Variants in SLC7A2 observed in about 807,000 individuals in gnomAD.
SLC7A2 encodes the protein solute carrier family 7 member 2.
Under a neutral mutation model 58.9 loss-of-function variants are expected in SLC7A2, and 48 were observed. That is an observed-to-expected ratio of 0.82 (90% CI 0.65 to 1.04). The LOEUF is 1.04. Ranked by LOEUF, SLC7A2 falls within the 50% of genes least tolerant of loss-of-function variation. SLC7A2 has a pLI of 0.00. For synonymous variants in SLC7A2, 363 were observed against 314.5 expected (o/e 1.15, Z -1.63); for missense variants, 1,029 against 818.8 (o/e 1.26, Z -3.13).
chr8:17,547,023 C>T (rs559744452), intron 4 of SLC7A2, among the ~76,000 whole-genome samples: 1 of 151,892 alleles, frequency 6.6e-6, no homozygotes, highest in Admixed American at 6.6e-5. Context: ...GATAACTTTT[C>T]TACATGTACA....
chr8:17,512,191 G>A (rs1469044030), intron 2 of SLC7A2, among the ~76,000 whole-genome samples: 1 of 152,048 alleles, frequency 6.6e-6, no homozygotes, highest in African/African-American at 2.4e-5. Flanking sequence ...ATGTGGAGTA[G>A]AGTAACAAAA....
chr8:17,550,445 TG>T lies in SLC7A2; in HGVS notation c.832+12del. 1 of 1,611,862 alleles carries T rather than the reference TG, an allele frequency of 6.2e-7. No homozygotes were observed. The highest frequency in any genetic ancestry group is 8.5e-7 in the Non-Finnish European group (1 of 1,178,790). Reference sequence around the variant, plus strand: ...GCATTGCAACAACTGGTAAGAGCAGTGTCTTGGCTCAGTGTAGAAGGAGTGT... The same window carrying T: ...GCATTGCAACAACTGGTAAGAGCAGTTCTTGGCTCAGTGTAGAAGGAGTGT... On this transcript the variant is annotated intron_variant, in intron 6 of 12. Transcript: ENST00000494857.
intron 8 of SLC7A2, among the ~76,000 whole-genome samples, chr8:17,557,639 C>G (rs984362713): frequency 1.3e-5 from 2 of 152,114 alleles, no homozygotes; most frequent in African/African-American, 4.8e-5. Flanking sequence ...ACCAGCCTGA[C>G]CAACATGGTG....
intron 2 of SLC7A2, among the ~76,000 whole-genome samples, chr8:17,504,080 C>T (rs1463206860): frequency 6.6e-6 from 1 of 152,214 alleles, no homozygotes; most frequent in Non-Finnish European, 1.5e-5. Flanking sequence ...GATTTCAACT[C>T]AGAGGCCTGG....
At chr8:17,564,780 G>C (rs1311893152) in intron 12 of SLC7A2, among the ~76,000 whole-genome samples, 170 bp from the exon 13 acceptor site, 2 of 152,110 alleles carry the variant, frequency 1.3e-5, no homozygotes, top group African/African-American at 4.8e-5. Flanking sequence ...GTGTGGCCTG[G>C]TTCCTAACAA....
intron 2 of SLC7A2, among the ~76,000 whole-genome samples, chr8:17,510,092 C>T (rs73212759): frequency 0.072 from 10,876 of 151,942 alleles, 466 homozygotes; most frequent in East Asian, 0.13. Context: ...TGATAGCAGG[C>T]GACTGTAATC....
At chr8:17,555,345 A>G (rs1802648357) in intron 8 of SLC7A2, among the ~76,000 whole-genome samples, 1 of 152,124 alleles carries the variant, frequency 6.6e-6, no homozygotes, top group Admixed American at 6.6e-5. Context: ...CAAATGTACA[A>G]AGGGTTATAA....
At chr8:17,507,717 C>G (rs1409465333) in intron 2 of SLC7A2, among the ~76,000 whole-genome samples, 2 of 151,954 alleles carry the variant, frequency 1.3e-5, no homozygotes, top group African/African-American at 4.8e-5. Flanking sequence ...ATTTTAAAAA[C>G]TCTGTTAATT....
At chr8:17,545,808 G>C (rs1054223536) in intron 4 of SLC7A2, among the ~76,000 whole-genome samples, 1 of 151,968 alleles carries the variant, frequency 6.6e-6, no homozygotes, top group African/African-American at 2.4e-5. Flanking sequence ...GCTTTACCCT[G>C]GGCAGTCTGC....
Position 17,567,703 on chromosome 8 carries a change from A to G in SLC7A2, c.*2557A>G, listed in dbSNP as rs1408895671. Reference sequence around the variant, plus strand: ...AAATTGATGTTTGATGTTGATAGATATGCTTATACCTAATTTTTAGTTTTT... The same window carrying G: ...AAATTGATGTTTGATGTTGATAGATGTGCTTATACCTAATTTTTAGTTTTT... On this transcript the variant is annotated 3_prime_UTR_variant, in exon 13 of 13. Coordinates refer to ENST00000494857, the MANE Select transcript of SLC7A2 (RefSeq NM_001370338.1). 2 of 152,440 alleles carry G rather than the reference A, an allele frequency of 1.3e-5. No homozygotes were observed. The highest frequency in any genetic ancestry group is 2.9e-5 in the Non-Finnish European group (2 of 68,046). The allele number at this position is 152,440 out of a possible 1,614,324, so 9.4% of individuals were successfully genotyped here. A position where few individuals can be genotyped will look rare whatever the true frequency, so the allele number is the denominator to read the frequency against.
At chr8:17,555,753 CTA>C (rs1802669063) in intron 8 of SLC7A2, among the ~76,000 whole-genome samples, 1 of 152,106 alleles carries the variant, frequency 6.6e-6, no homozygotes, top group African/African-American at 2.4e-5. Context: ...ATCCAGATTG[CTA>C]GTCTTTTGGC....
intron 2 of SLC7A2, among the ~76,000 whole-genome samples, chr8:17,503,302 G>A (rs1253885767): frequency 2.0e-5 from 3 of 151,920 alleles, no homozygotes; most frequent in Non-Finnish European, 4.4e-5. Context: ...TGCCCGCCTC[G>A]GCCTCCCAAA....
rs1257064965 is a variant in SLC7A2, at chr8:17,497,130, C to T, written c.-176C>T. ...CCGGCGGGCGCTCCTCTTCGCGGGA[C>T]CAGCGAGGCGGCGGCCGCTGCTCCA... On this transcript the variant is annotated 5_prime_UTR_variant, in exon 1 of 13. Transcript: ENST00000494857. The T allele has an allele frequency of 1.3e-5, 2 of 151,492 alleles. No individual in the cohort carries two copies. Among genetic ancestry groups the T allele is most frequent in the Admixed American group, 6.6e-5 (1 of 15,226 alleles). The allele number at this position is 151,492 out of a possible 1,614,324, so 9.4% of individuals were successfully genotyped here.
chr8:17,505,688 G>A (rs1585180166), intron 2 of SLC7A2, among the ~76,000 whole-genome samples: 1 of 152,154 alleles, frequency 6.6e-6, no homozygotes, highest in African/African-American at 2.4e-5. Context: ...AAAAAAATGG[G>A]TAAGCATAGT....
chr8:17,513,273 C>T lies in SLC7A2; in HGVS notation c.-23+10971C>T, dbSNP rs566194128. The stretch of plus-strand genomic sequence containing the variant: ...AGTGGCTATTTTACATTACCGTGGA[C>T]ACAAGGATCCCAATTTCTGCATATC... On this transcript the variant is annotated intron_variant, in intron 2 of 12. Coordinates refer to ENST00000494857, the MANE Select transcript of SLC7A2 (RefSeq NM_001370338.1). 2.0e-4 allele frequency among the ~76,000 whole-genome samples: 30 copies of T among 152,242 alleles called. 2 individuals are homozygous for T. The South Asian group carries it at 6.2e-3, about 32-fold the overall frequency.
chr8:17,508,661 T>G (rs1379912405), intron 2 of SLC7A2, among the ~76,000 whole-genome samples: 1 of 151,834 alleles, frequency 6.6e-6, no homozygotes, highest in African/African-American at 2.4e-5. Flanking sequence ...GAGATGGAGG[T>G]TACAGTGAGG....
intron 7 of SLC7A2, among the ~76,000 whole-genome samples, chr8:17,553,760 A>G (rs1307481877): frequency 6.6e-6 from 1 of 152,230 alleles, no homozygotes; most frequent in African/African-American, 2.4e-5. Flanking sequence ...CCTGGGTGAC[A>G]GAGTGAGTCC....
rs909365869 is a variant in SLC7A2 at position 17,554,503 on chromosome 8, G to A, written c.1056-57G>A. 7 of 1,390,874 alleles carry A rather than the reference G, an allele frequency of 5.0e-6. No individual in the cohort carries two copies. In the Admixed American group the frequency reaches 7.4e-5, roughly 15 times the overall value. 86.2% of individuals were successfully genotyped at this position (1,390,874 alleles called of 1,614,324 possible). A position where few individuals can be genotyped will look rare whatever the true frequency, so the allele number is the denominator to read the frequency against. The stretch of plus-strand genomic sequence containing the variant: ...TTATACAATTATTTTATTTCCGTTC[G>A]GGGATGTAATCTTGCATGAATGTTT... On this transcript the variant is annotated intron_variant, in intron 7 of 12. Coordinates refer to ENST00000494857, the MANE Select transcript of SLC7A2 (RefSeq NM_001370338.1).
chr8:17,550,388 A>G lies in SLC7A2; in HGVS notation c.786A>G (p.Ala262=). The G allele has an allele frequency of 6.2e-7, 1 of 1,614,002 alleles. No homozygotes were observed. The highest frequency in any genetic ancestry group is 1.3e-5 in the African/African-American group (1 of 75,030). The change falls in exon 6 of 13, where the codon GCA becomes GCG. Residue 262 remains alanine (A), a synonymous_variant. Coordinates refer to ENST00000494857, the MANE Select transcript of SLC7A2 (RefSeq NM_001370338.1). The part of the protein sequence containing the change: ...YGFTGTLAGA[A]TCFYAFVGFD... ...TTACGGGAACGTTGGCTGGTGCTGC[A>G]ACTTGCTTTTATGCCTTTGTGGGAT...
Sources: allele counts gnomAD v4.1 joint callset (sites outside exome capture counted in the v4.1 genomes callset), GRCh38; gene constraint gnomAD v4.1.1; transcripts MANE v1.5; gene names NCBI Gene and HGNC (gene_info 2026-07-23, HGNC 2026-07-21).